The following PACRG variants were observed in gnomAD, a reference collection of about 807,000 sequenced individuals.
The protein encoded by PACRG is parkin coregulated, also known as parkin coregulated gene protein.
Under a neutral mutation model 29.7 loss-of-function variants are expected in PACRG, and 29 were observed. The ratio of observed to expected loss-of-function variants is 0.98; its 90% CI spans 0.73 to 1.33. PACRG has a LOEUF of 1.33. Ranked by LOEUF, PACRG falls within the 40% of genes most tolerant of loss-of-function variation. PACRG has a pLI of 0.00. For missense variants in PACRG, 279 were observed against 316.2 expected, an observed-to-expected ratio of 0.88 and a Z score of 0.89; for synonymous variants, 116 against 118.7, an observed-to-expected ratio of 0.98 and a Z score of 0.15.
intron 2 of PACRG, among the ~76,000 whole-genome samples, chr6:162,833,012 T>A (rs1453887476): frequency 6.6e-6 from 1 of 152,064 alleles, no homozygotes; most frequent in African/African-American, 2.4e-5. Context: ...TTGAAAGGAG[T>A]GATGCCATCT....
intron 4 of PACRG, among the ~76,000 whole-genome samples, chr6:163,232,524 G>A (rs1464534936): frequency 6.6e-6 from 1 of 152,194 alleles, no homozygotes; most frequent in Non-Finnish European, 1.5e-5. Context: ...GAAGGGAAAG[G>A]TGGGAAGGTG....
intron 2 of PACRG, among the ~76,000 whole-genome samples, chr6:163,019,144 T>C (rs1806368614): frequency 6.6e-6 from 1 of 152,214 alleles, no homozygotes; most frequent in African/African-American, 2.4e-5. Flanking sequence ...CTAGCAGGCT[T>C]TTATTGTCTG....
At chr6:162,996,236 A>T (rs1198916513) in intron 2 of PACRG, among the ~76,000 whole-genome samples, 1 of 152,170 alleles carries the variant, frequency 6.6e-6, no homozygotes, top group African/African-American at 2.4e-5. Flanking sequence ...CAGTGTACAC[A>T]TATATCAAGA....
chr6:163,254,997 C>T (rs1042410172), intron 4 of PACRG, among the ~76,000 whole-genome samples: 2 of 152,326 alleles, frequency 1.3e-5, no homozygotes, highest in African/African-American at 4.8e-5. Flanking sequence ...CTCCCTTACA[C>T]GTGAAACCGA....
intron 4 of PACRG, among the ~76,000 whole-genome samples, chr6:163,220,570 G>A (rs1281269456): frequency 6.6e-6 from 1 of 152,194 alleles, no homozygotes; most frequent in African/African-American, 2.4e-5. Flanking sequence ...CATAATATAT[G>A]ATAAATTAAA....
intron 2 of PACRG, among the ~76,000 whole-genome samples, chr6:162,893,310 G>A (rs746097095): frequency 6.6e-5 from 10 of 152,070 alleles, no homozygotes; most frequent in Non-Finnish European, 1.2e-4. Context: ...GAGGGCCTCG[G>A]CTCGACTGGC....
At chr6:162,753,320 T>C (rs928420246) in intron 1 of PACRG, among the ~76,000 whole-genome samples, 1 of 152,110 alleles carries the variant, frequency 6.6e-6, no homozygotes, top group Admixed American at 6.5e-5. Flanking sequence ...AGTTCAACTT[T>C]GTTATAGTCT....
intron 4 of PACRG, among the ~76,000 whole-genome samples, chr6:163,276,675 A>G (rs891673476): frequency 3.3e-5 from 5 of 152,208 alleles, no homozygotes; most frequent in African/African-American, 1.2e-4. Context: ...TGATTAGATC[A>G]TGAGGGCTCT....
At chr6:162,910,014 GC>G (rs1034929139) in intron 2 of PACRG, among the ~76,000 whole-genome samples, 8 of 152,198 alleles carry the variant, frequency 5.3e-5, no homozygotes, top group Non-Finnish European at 8.8e-5. Context: ...GAGCTAGAAT[GC>G]CTGGGCTCAG....
chr6:163,175,860 A>G (rs887254445), intron 4 of PACRG, among the ~76,000 whole-genome samples: 9 of 152,166 alleles, frequency 5.9e-5, no homozygotes, highest in Non-Finnish European at 8.8e-5. Flanking sequence ...CCTCTGGGTC[A>G]TAGTGGATCA....
In PACRG at chr6:163,100,839, T is replaced by C. The variant is rs867272329; in HGVS notation, c.613+11431T>C. On this transcript the variant is annotated intron_variant, in intron 4 of 4. Coordinates refer to ENST00000366888, the MANE Select transcript of PACRG (RefSeq NM_001080379.2). ...TGAAAAATGCAATGGACATATTCTC[T>C]AGAAAAACTGCAAATATTATTGATA... 1.1e-5 allele frequency: 11 copies of C among 984,710 alleles called. No individual in the cohort carries two copies. In the Middle Eastern group the frequency reaches 2.6e-3, roughly 234 times the overall value. The allele number at this position is 984,710 out of a possible 1,614,324, so 61.0% of individuals were successfully genotyped here.
In PACRG at chr6:162,777,280, G is replaced by C. The variant is rs1783724278; in HGVS notation, c.157-36867G>C. ...CTTCGGGACATGCAGTTGGCCATGTGCTCACAGGCCTCTGCTGTGTTCCCT... is the reference window on the plus strand; with the variant it reads ...CTTCGGGACATGCAGTTGGCCATGTCCTCACAGGCCTCTGCTGTGTTCCCT... On this transcript the variant is annotated intron_variant, in intron 1 of 4. Transcript: ENST00000366888. This position sits in a 1 kb window ranked among gnomAD's most constrained non-coding sequence, Gnocchi z 4.0. 6.6e-6 allele frequency among the ~76,000 whole-genome samples: 1 copy of C among 152,170 alleles called. No homozygotes were observed. Among genetic ancestry groups the C allele is most frequent in the South Asian group, 2.1e-4 (1 of 4,830 alleles).
intron 4 of PACRG, among the ~76,000 whole-genome samples, chr6:163,247,323 C>T (rs1434862054): frequency 3.3e-5 from 5 of 152,150 alleles, no homozygotes; most frequent in East Asian, 1.9e-4. Flanking sequence ...CCTGGAGGAG[C>T]GCTCCTTATG....
At chr6:162,746,019 T>G (rs529650435) in intron 1 of PACRG, among the ~76,000 whole-genome samples, 1 of 152,222 alleles carries the variant, frequency 6.6e-6, no homozygotes, top group Non-Finnish European at 1.5e-5. Flanking sequence ...TAGCCATTGA[T>G]GTGACATAGA....
At chr6:163,216,394 G>C (rs1233065684) in intron 4 of PACRG, among the ~76,000 whole-genome samples, 1 of 152,196 alleles carries the variant, frequency 6.6e-6, no homozygotes, top group Non-Finnish European at 1.5e-5. Context: ...GCAGAAGACA[G>C]TAATGAAACC....
intron 2 of PACRG, among the ~76,000 whole-genome samples, chr6:162,888,953 C>A (rs997029812): frequency 2.0e-5 from 3 of 152,154 alleles, no homozygotes; most frequent in Non-Finnish European, 4.4e-5. Flanking sequence ...ATCAGTCATG[C>A]GGCCATGGGA....
intron 1 of PACRG, among the ~76,000 whole-genome samples, chr6:162,762,269 G>A (rs760865467): frequency 1.3e-5 from 2 of 152,180 alleles, no homozygotes; most frequent in Non-Finnish European, 2.9e-5. Flanking sequence ...GAGTTCAGCA[G>A]GTTGAGAATG....
intron 4 of PACRG, among the ~76,000 whole-genome samples, chr6:163,257,648 A>G (rs983649303): frequency 3.3e-5 from 5 of 152,150 alleles, no homozygotes; most frequent in Admixed American, 3.3e-4. Context: ...TTGAGACAAT[A>G]TTTTCCTTCT....
At chr6:163,295,427 C>T (rs1200350016) in intron 4 of PACRG, among the ~76,000 whole-genome samples, 1 of 152,138 alleles carries the variant, frequency 6.6e-6, no homozygotes, top group Non-Finnish European at 1.5e-5. Flanking sequence ...AGGGAAACAG[C>T]CGAGGCTTCA....
Sources: allele counts gnomAD v4.1 joint callset (sites outside exome capture counted in the v4.1 genomes callset), GRCh38; gene constraint gnomAD v4.1.1; non-coding constraint Gnocchi (gnomAD v3.1); transcripts MANE v1.5; gene names NCBI Gene and HGNC (gene_info 2026-07-23, HGNC 2026-07-21).